Variants in ZNF30 observed in about 807,000 individuals in gnomAD.
ZNF30 encodes zinc finger protein 30 (KOX 28).
In ZNF30, 15 loss-of-function variants were observed where a neutral mutation model predicts 13.2. The observed-to-expected ratio is 1.13, with a 90% CI of 0.76 to 1.75. ZNF30 has a LOEUF of 1.75. Among genes scored for constraint, ZNF30 ranks in the 40% most tolerant of loss-of-function variants. The probability of loss-of-function intolerance (pLI) is 0.00; values close to 1 mark genes in which losing one functional copy is unlikely to be tolerated. For missense variants in ZNF30, 726 were observed against 757.0 expected (o/e 0.96, Z 0.48); for synonymous variants, 223 against 256.6 (o/e 0.87, Z 1.25).
At chr19:34,930,226 C>T (rs753425842) in intron 2 of ZNF30, among the ~76,000 whole-genome samples, 1 of 152,096 alleles carries the variant, frequency 6.6e-6, no homozygotes, top group African/African-American at 2.4e-5. Flanking sequence ...ATTGAAGTCC[C>T]GTGGCAGAAG....
intron 2 of ZNF30, 83 bp from the exon 3 acceptor site, chr19:34,931,760 G>A (rs371174434): frequency 1.5e-5 from 21 of 1,399,154 alleles, no homozygotes; most frequent in South Asian, 8.0e-5. Context: ...CTATGTGATT[G>A]TTATGTTATT....
upstream of ZNF30, among the ~76,000 whole-genome samples, chr19:34,926,190 AAAAC>A (rs1169742948): frequency 9.8e-5 from 15 of 152,296 alleles, no homozygotes; most frequent in Non-Finnish European, 2.1e-4. Flanking sequence ...AAACAAAAAC[AAAAC>A]AAACAAAAAG....
intron 4 of ZNF30, among the ~76,000 whole-genome samples, chr19:34,940,139 G>C (rs2012959448): frequency 6.6e-6 from 1 of 152,184 alleles, no homozygotes; most frequent in African/African-American, 2.4e-5. Flanking sequence ...CATGGGCCCT[G>C]ATAGAATACT....
chr19:34,934,348 C>T (rs1195695136), intron 4 of ZNF30, among the ~76,000 whole-genome samples: 3 of 152,124 alleles, frequency 2.0e-5, no homozygotes, highest in Non-Finnish European at 4.4e-5. Flanking sequence ...ACTGCAGCCT[C>T]GAACTCCTGG....
chr19:34,927,042 C>G lies in ZNF30; in HGVS notation c.-239C>G. Reference sequence around the variant, plus strand: ...AACGACCTCAATCTCTGCCTCCTCGCCAGTTCATTGTGGTCGTTGACCCGG... The same window carrying G: ...AACGACCTCAATCTCTGCCTCCTCGGCAGTTCATTGTGGTCGTTGACCCGG... On this transcript the variant is annotated 5_prime_UTR_variant, in exon 1 of 5. Coordinates refer to ENST00000601142, the MANE Select transcript of ZNF30 (RefSeq NM_194325.3). 2.5e-6 allele frequency: 1 copy of G among 398,592 alleles called. No homozygotes were observed. The highest frequency in any genetic ancestry group is 4.4e-6 in the Non-Finnish European group (1 of 226,010). The allele number at this position is 398,592 out of a possible 1,614,324, so 24.7% of individuals were successfully genotyped here. A position where few individuals can be genotyped will look rare whatever the true frequency, so the allele number is the denominator to read the frequency against.
chr19:34,942,931 AT>A (rs895856515), intron 4 of ZNF30, among the ~76,000 whole-genome samples: 1 of 152,234 alleles, frequency 6.6e-6, no homozygotes, highest in Non-Finnish European at 1.5e-5. Context: ...AACTTCCCCT[AT>A]GTCTGATTCA....
chr19:34,928,221 ATATATAT>A lies in ZNF30; in HGVS notation c.-65+1006_-65+1012del, dbSNP rs1469929131. ...AGATCCCTTCTCTAAAAAAAAAAAA[ATATATAT>A]ATATATATATATATATATATATATA... On this transcript the variant is annotated intron_variant, in intron 1 of 4. Transcript: ENST00000601142. Among the ~76,000 whole-genome samples the A allele has an allele frequency of 5.4e-3, 357 of 66,612 alleles. 5 individuals carry two copies. Among genetic ancestry groups the A allele is most frequent in the African/African-American group, 0.015 (338 of 21,834 alleles). The allele number at this position is 66,612 out of a possible 152,430, so 43.7% of individuals were successfully genotyped here.
chr19:34,928,221 ATATATATATAT>A (rs1226978787), intron 1 of ZNF30, among the ~76,000 whole-genome samples: 32 of 66,640 alleles, frequency 4.8e-4, no homozygotes, highest in Admixed American at 2.7e-3. Flanking sequence ...AAAAAAAAAA[ATATATATATAT>A]ATATATATAT....
upstream of ZNF30, among the ~76,000 whole-genome samples, chr19:34,924,609 T>A (rs1365755290): frequency 2.0e-5 from 3 of 152,212 alleles, no homozygotes; most frequent in African/African-American, 7.2e-5. Flanking sequence ...AGGACAGAAG[T>A]GATCAGTGAC....
intron 3 of ZNF30, among the ~76,000 whole-genome samples, chr19:34,932,952 TG>T (rs1374694466): frequency 1.3e-5 from 2 of 151,702 alleles, no homozygotes; most frequent in Non-Finnish European, 2.9e-5. Flanking sequence ...AGCTAATTTT[TG>T]TATTTTTGAT....
At chr19:34,927,253 G>C in intron 1 of ZNF30, 37 bp downstream of exon 1, 1 of 367,966 alleles carries the variant, frequency 2.7e-6, no homozygotes, top group Non-Finnish European at 4.8e-6. Context: ...ATCCCGGGCC[G>C]GCGAGTGCGG....
chr19:34,944,144 T>C lies in ZNF30; in HGVS notation c.1178T>C (p.Leu393Pro), dbSNP rs1249178287. 1.2e-6 allele frequency: 2 copies of C among 1,613,790 alleles called. No individual in the cohort carries two copies. Among genetic ancestry groups the C allele is most frequent in the Admixed American group, 1.7e-5 (1 of 60,008 alleles). Residue 393 changes from leucine (L) to proline (P), a missense_variant, in exon 5 of 5, where the codon CTT (leucine) becomes CCT (proline). Transcript: ENST00000601142. ...RASYLVQHGR[L>P]HTGEKPYECK... Reference sequence around the variant, plus strand: ...TCATATCTTGTTCAACATGGAAGACTTCACACTGGCGAGAAGCCCTATGAA... The same window carrying C: ...TCATATCTTGTTCAACATGGAAGACCTCACACTGGCGAGAAGCCCTATGAA...
At position 34,943,964 on chromosome 19, in the gene ZNF30, G is replaced by T. The variant is rs764592471; in HGVS notation, c.998G>T (p.Arg333Leu). 4 of 1,613,292 alleles carry T rather than the reference G, an allele frequency of 2.5e-6. No homozygotes were observed. The African/African-American group carries it at 5.4e-5, about 22-fold the overall frequency. The stretch of plus-strand genomic sequence containing the variant: ...TTCACTGTGTATGGACAGCTTACTC[G>T]ACATCAGAGTATTCATACTGGTGAG... ...KSFTVYGQLT[R>L]HQSIHTGEKP... The change falls in exon 5 of 5, where the codon CGA (arginine) becomes CTA (leucine). Residue 333 changes from arginine (R) to leucine (L), a missense_variant. Transcript: ENST00000601142.
At chr19:34,935,963 G>C (rs768846625) in intron 4 of ZNF30, among the ~76,000 whole-genome samples, 6 of 152,214 alleles carry the variant, frequency 3.9e-5, no homozygotes, top group Non-Finnish European at 5.9e-5. Context: ...GCAGACAAGA[G>C]AGAATGAGGG....
upstream of ZNF30, among the ~76,000 whole-genome samples, chr19:34,925,572 G>T (rs1481700498): frequency 6.6e-6 from 1 of 152,128 alleles, no homozygotes; most frequent in Non-Finnish European, 1.5e-5. Context: ...GGGTCTCAGA[G>T]TATTTATAGG....
At chr19:34,927,876 A>G (rs532016782) in intron 1 of ZNF30, among the ~76,000 whole-genome samples, 7 of 152,300 alleles carry the variant, frequency 4.6e-5, no homozygotes, top group African/African-American at 1.4e-4. Context: ...GAATTAAAAG[A>G]AAGCATGCCA....
At chr19:34,935,103 C>T (rs373339619) in intron 4 of ZNF30, among the ~76,000 whole-genome samples, 1 of 151,712 alleles carries the variant, frequency 6.6e-6, no homozygotes, top group Non-Finnish European at 1.5e-5. Context: ...TGGTGGCGGG[C>T]GCCTGTGGTC....
intron 4 of ZNF30, 138 bp downstream of exon 4, chr19:34,933,861 G>A (rs2012591027): frequency 3.5e-6 from 2 of 564,042 alleles, no homozygotes; most frequent in South Asian, 2.3e-5. Context: ...CTGAGACTTG[G>A]GTAAGAAATA....
At chr19:34,924,968 G>T (rs1005792771), upstream of ZNF30, among the ~76,000 whole-genome samples, 21 of 152,218 alleles carry the variant, frequency 1.4e-4, no homozygotes, top group African/African-American at 4.1e-4. Context: ...ACTATTGACA[G>T]TCAAATGCTT....
Sources: gnomAD v4.1 joint callset for allele counts (sites outside exome capture counted in the v4.1 genomes callset) on GRCh38, gnomAD v4.1.1 for gene constraint, MANE v1.5 for transcripts, NCBI Gene and HGNC (gene_info 2026-07-23, HGNC 2026-07-21) for gene names.